The following MAPK6 variants were observed in gnomAD, a reference collection of about 807,000 sequenced individuals.
MAPK6 encodes the protein ERK-3.
Under a neutral mutation model 59.3 loss-of-function variants are expected in MAPK6, and 19 were observed. The ratio of observed to expected loss-of-function variants is 0.32; its 90% CI spans 0.22 to 0.47. The LOEUF (loss-of-function observed/expected upper bound fraction) is 0.47. Ranked by LOEUF, MAPK6 falls within the 20% of genes least tolerant of loss-of-function variation. The probability of loss-of-function intolerance (pLI) is 1.00; values close to 1 mark genes in which losing one functional copy is unlikely to be tolerated. For synonymous variants in MAPK6, 316 were observed against 290.3 expected (o/e 1.09, Z -0.90); for missense variants, 724 against 847.9 (o/e 0.85, Z 1.81).
In MAPK6 at chr15:52,001,417, T is replaced by A. The variant is rs551074604; in HGVS notation, c.-769-2848T>A. On this transcript the variant is annotated intron_variant, in intron 2 of 7. Coordinates refer to the MAPK6 transcript ENST00000691380. ...TCTACTCTATTGGTCTGTAGGTCTA[T>A]CCTTTTGCTAGTACCACACTTTTCA... is the stretch of plus-strand genomic sequence containing the variant. Among the ~76,000 whole-genome samples, 46 of 152,282 alleles carry A rather than the reference T, an allele frequency of 3.0e-4. 1 individual carries two copies. In the South Asian group the frequency reaches 9.1e-3, roughly 30 times the overall value.
chr15:51,990,409 A>C (rs550792571), intron 2 of MAPK6, among the ~76,000 whole-genome samples: 45 of 152,272 alleles, frequency 3.0e-4, no homozygotes, highest in Non-Finnish European at 2.4e-4. Context: ...GCAGATAAAA[A>C]TATGATTGCA....
chr15:52,064,589 A>G lies in MAPK6; in HGVS notation c.1755A>G (p.Leu585=). 6.2e-7 allele frequency: 1 copy of G among 1,611,870 alleles called. No homozygotes were observed. The change falls in exon 6 of 6, where the codon TTA becomes TTG. Residue 585 remains leucine (L), a synonymous_variant. Transcript: ENST00000261845. ...AAGGAATGGCAAATCTGGCTCAATT[A>G]GAAGCCTTGTACCAGTCTTCTTGGG... The part of the protein sequence containing the change: ...QEKGMANLAQ[L]EALYQSSWDS...
At chr15:52,049,164 T>G (rs546671510) in intron 2 of MAPK6, among the ~76,000 whole-genome samples, 66 of 152,134 alleles carry the variant, frequency 4.3e-4, no homozygotes, top group African/African-American at 1.5e-3. Context: ...AGTAGTTGAA[T>G]AGGTGATGAA....
At chr15:52,061,234 A>C (rs1392043370) in intron 4 of MAPK6, 65 bp from the exon 5 acceptor site, 31 of 1,193,066 alleles carry the variant, frequency 2.6e-5, no homozygotes, top group Non-Finnish European at 3.5e-5. Context: ...AATGAGATCA[A>C]CATTTACTGT....
At chr15:52,061,240 A>T in intron 4 of MAPK6, 59 bp from the exon 5 acceptor site, 2 of 1,245,722 alleles carry the variant, frequency 1.6e-6, no homozygotes, top group Middle Eastern at 1.9e-4. Context: ...ATCAACATTT[A>T]CTGTTTTTCT....
rs1489761234 is a variant in MAPK6 at position 52,064,097 on chromosome 15, T to G, written c.1263T>G (p.Thr421=). The G allele has an allele frequency of 1.2e-6, 2 of 1,612,050 alleles. No homozygotes were observed. Among genetic ancestry groups the G allele is most frequent in the African/African-American group, 2.7e-5 (2 of 74,900 alleles). ...CTGCTTTTGATACCAATTACTCTAC[T>G]GAGCCTTGTTGGCAATACTCAGATC... ...EDPAFDTNYS[T]EPCWQYSDHH... The change falls in exon 6 of 6, where the codon ACT becomes ACG. Residue 421 remains threonine, a synonymous_variant. Transcript: ENST00000261845.
At chr15:52,051,550 C>T (rs2031781371) in intron 3 of MAPK6, among the ~76,000 whole-genome samples, 1 of 152,156 alleles carries the variant, frequency 6.6e-6, no homozygotes, top group Non-Finnish European at 1.5e-5. Context: ...AACAGCAAGC[C>T]AGCTCTTTAT....
chr15:51,998,087 G>A (rs1035359331), intron 2 of MAPK6, among the ~76,000 whole-genome samples: 2 of 151,894 alleles, frequency 1.3e-5, no homozygotes, highest in Non-Finnish European at 2.9e-5. Flanking sequence ...GGGACTACGG[G>A]CACATGCCAC....
intron 1 of MAPK6, among the ~76,000 whole-genome samples, chr15:51,980,074 C>T (rs2057168698): frequency 1.3e-5 from 2 of 151,770 alleles, no homozygotes; most frequent in South Asian, 2.1e-4. Context: ...GTGGGCAGAT[C>T]ACCTGAGGTC....
At chr15:51,990,076 G>A (rs2057203185) in intron 2 of MAPK6, among the ~76,000 whole-genome samples, 1 of 152,234 alleles carries the variant, frequency 6.6e-6, no homozygotes, top group Non-Finnish European at 1.5e-5. Context: ...CTGAACAAGT[G>A]AAGCACTCTA....
chr15:51,974,010 A>C (rs1417240105), intron 1 of MAPK6, among the ~76,000 whole-genome samples: 1 of 151,886 alleles, frequency 6.6e-6, no homozygotes, highest in African/African-American at 2.4e-5. Flanking sequence ...TTTCTTCATA[A>C]AGGATATAAT....
chr15:52,025,598 C>T (rs1364902146), intron 1 of MAPK6, among the ~76,000 whole-genome samples: 7 of 152,032 alleles, frequency 4.6e-5, no homozygotes, highest in Non-Finnish European at 1.0e-4. Context: ...GTCAGGAGAT[C>T]GAGACCATCC....
Position 51,998,015 on chromosome 15 carries a change from C to T in MAPK6, c.-769-6250C>T, listed in dbSNP as rs1371139155. 2.0e-5 allele frequency among the ~76,000 whole-genome samples: 3 copies of T among 151,896 alleles called. No individual in the cohort carries two copies. The East Asian group carries it at 5.8e-4, about 29-fold the overall frequency. ...CTGGAGTGCAGTGGCATGATCTCAG[C>T]TCACTGCAACCTCTACCTCCCGTGT... is the stretch of plus-strand genomic sequence containing the variant. On this transcript the variant is annotated intron_variant, in intron 2 of 7. Transcript: ENST00000691380.
chr15:52,014,704 A>AT (rs573181670), upstream of MAPK6, among the ~76,000 whole-genome samples: 1 of 124,284 alleles, frequency 8.0e-6, no homozygotes, highest in Non-Finnish European at 1.8e-5. Flanking sequence ...GAGATTTTCT[A>AT]AAAAAAAAAA....
chr15:52,063,777 ATATTTACTCTCC>A (rs1343141630), intron 5 of MAPK6, 113 bp from the exon 6 acceptor site: 4 of 682,488 alleles, frequency 5.9e-6, no homozygotes, highest in Non-Finnish European at 8.7e-6. Flanking sequence ...CAAGGCAGGC[ATATTTACTCTCC>A]TATAATTATC....
At chr15:52,053,739 A>G (rs1318317859) in intron 3 of MAPK6, among the ~76,000 whole-genome samples, 3 of 151,894 alleles carry the variant, frequency 2.0e-5, no homozygotes, top group African/African-American at 7.3e-5. Context: ...TCCTGGGTTC[A>G]AGCAATTCTC....
chr15:52,040,705 A>G (rs901356370), intron 1 of MAPK6, among the ~76,000 whole-genome samples: 2 of 152,224 alleles, frequency 1.3e-5, no homozygotes, highest in African/African-American at 4.8e-5. Flanking sequence ...GTGGGGGTAG[A>G]CCAGCTGACA....
At position 52,046,988 on chromosome 15, in the gene MAPK6, G is replaced by C; in HGVS notation, c.528G>C (p.Arg176=). The change falls in exon 2 of 6, where the codon CGG becomes CGC. Residue 176 remains arginine, a synonymous_variant. Coordinates refer to ENST00000261845, the MANE Select transcript of MAPK6 (RefSeq NM_002748.4). Reference sequence around the variant, plus strand: ...AGATAGGTGACTTTGGTCTTGCACGGATCATGGATCCTCATTATTCCCATA... The same window carrying C: ...AGATAGGTGACTTTGGTCTTGCACGCATCATGGATCCTCATTATTCCCATA... The part of the protein sequence containing the change: ...VLKIGDFGLA[R]IMDPHYSHKG... The C allele has an allele frequency of 6.3e-7, 1 of 1,582,378 alleles. No homozygotes were observed. Among genetic ancestry groups the C allele is most frequent in the Non-Finnish European group, 8.6e-7 (1 of 1,166,032 alleles).
chr15:52,008,328 C>A (rs956656455), intron 3 of MAPK6, among the ~76,000 whole-genome samples: 1 of 152,116 alleles, frequency 6.6e-6, no homozygotes, highest in Admixed American at 6.6e-5. Flanking sequence ...TCTTAGAATG[C>A]CATTGCCTTC....
Sources: gnomAD v4.1 joint callset for allele counts (sites outside exome capture counted in the v4.1 genomes callset) on GRCh38, gnomAD v4.1.1 for gene constraint, MANE v1.5 for transcripts, NCBI Gene and HGNC (gene_info 2026-07-23, HGNC 2026-07-21) for gene names.